ZBED1: variants seen among roughly 807,000 people sequenced by gnomAD.
ZBED1 encodes the protein zinc finger BED-type containing 1.
ZBED1 carries 19 observed loss-of-function variants against 49.7 expected under a neutral mutation model. The observed-to-expected ratio is 0.38, with a 90% CI of 0.27 to 0.56. The LOEUF (loss-of-function observed/expected upper bound fraction) is 0.56. Among genes scored for constraint, ZBED1 ranks in the 20% least tolerant of loss-of-function variants. ZBED1 has a pLI of 0.70. For synonymous variants in ZBED1, 439 were observed against 440.3 expected, an observed-to-expected ratio of 1.00 and a Z score of 0.04; for missense variants, 806 against 972.6, an observed-to-expected ratio of 0.83 and a Z score of 2.28.
At chrX:2,491,197 G>GT (rs1337555221) in intron 1 of ZBED1, among the ~76,000 whole-genome samples, 1 of 151,032 alleles carries the variant, frequency 6.6e-6, no homozygotes. Flanking sequence ...AGCTTCCTCA[G>GT]TAGCTGGGAT....
intron 1 of ZBED1, among the ~76,000 whole-genome samples, chrX:2,491,068 T>TTG: frequency 8.6e-6 from 1 of 115,628 alleles, no homozygotes; most frequent in Non-Finnish European, 1.9e-5. Context: ...TGCCTTTAGT[T>TTG]TTTTTTTTTT....
intron 1 of ZBED1, among the ~76,000 whole-genome samples, chrX:2,499,979 A>G (rs1490663645): frequency 6.6e-6 from 1 of 152,154 alleles, no homozygotes; most frequent in Non-Finnish European, 1.5e-5. Context: ...GGAGTTCGAG[A>G]GTAGCCTCGG....
At chrX:2,496,525 C>T (rs900772831) in intron 1 of ZBED1, among the ~76,000 whole-genome samples, 25 of 152,128 alleles carry the variant, frequency 1.6e-4, no homozygotes, top group East Asian at 3.8e-4. Context: ...AAATGTCTTG[C>T]GTGCAGTGTA....
rs1487002009 is a variant in ZBED1, at chrX:2,490,188, C to T, written c.532G>A (p.Gly178Arg). The change falls in exon 2 of 2, where the codon GGG becomes AGG. Residue 178 changes from glycine (G) to arginine (R), a missense_variant. Coordinates refer to ENST00000652001, the MANE Select transcript of ZBED1 (RefSeq NM_001171136.2). ...ISTKAIPEKY[G>R]AVREVILKEL... ...TTCAGGATCACCTCCCGGACGGCCC[C>T]GTACTTCTCAGGGATGGCCTTGGTA... 9.3e-6 allele frequency: 15 copies of T among 1,613,826 alleles called. No individual in the cohort carries two copies. The highest frequency in any genetic ancestry group is 3.3e-5 in the Admixed American group (2 of 60,000).
intron 1 of ZBED1, among the ~76,000 whole-genome samples, chrX:2,496,921 A>G (rs2045300514): frequency 6.7e-6 from 1 of 149,610 alleles, no homozygotes; most frequent in Non-Finnish European, 1.5e-5. Flanking sequence ...AACAATAAAT[A>G]TATTACATAC....
At chrX:2,494,733 G>A (rs758041396) in intron 1 of ZBED1, among the ~76,000 whole-genome samples, 5 of 151,828 alleles carry the variant, frequency 3.3e-5, no homozygotes, top group South Asian at 2.1e-4. Context: ...CTGAAAAAAG[G>A]TTCTGGTACC....
rs1209111517 is a variant in ZBED1 at position 2,487,490 on chromosome X, G to C, written c.*1145C>G. The C allele has an allele frequency of 1.3e-5, 2 of 152,208 alleles. No individual in the cohort carries two copies. Among genetic ancestry groups the C allele is most frequent in the East Asian group, 1.9e-4 (1 of 5,180 alleles). 9.4% of individuals were successfully genotyped at this position (152,208 alleles called of 1,614,324 possible). A position where few individuals can be genotyped will look rare whatever the true frequency, so the allele number is the denominator to read the frequency against. ...AGCGAATCTTCCGCCTCAGCCTCCC[G>C]AGTAGCTGGGATTACAGGCGGGTGC... On this transcript the variant is annotated 3_prime_UTR_variant, in exon 2 of 2. Coordinates refer to ENST00000652001, the MANE Select transcript of ZBED1 (RefSeq NM_001171136.2).
rs771586037 is a variant in ZBED1 at position 2,488,760 on chromosome X, C to G, written c.1960G>C (p.Gly654Arg). The change falls in exon 2 of 2, where the codon GGG (glycine) becomes CGG (arginine). Residue 654 changes from glycine to arginine, a missense_variant. Physicochemically the swap from Gly to Arg is moderately radical, Grantham distance 125. Transcript: ENST00000652001. ...QVFLYENARS[G>R]AEAEPEDQDE... ...TGGTCCTCGGGTTCCGCCTCTGCCC[C>G]ACTCCGGGCGTTCTCATACAGAAAC... The G allele has an allele frequency of 6.2e-7, 1 of 1,613,954 alleles. No individual in the cohort carries two copies. Among genetic ancestry groups the G allele is most frequent in the Non-Finnish European group, 8.5e-7 (1 of 1,179,872 alleles).
Position 2,489,487 on chromosome X carries a change from C to G in ZBED1, c.1233G>C (p.Leu411=). ...LQPFKQVAEM[L]SASRYPTISM... ...TGATGGTGGGGTACCTGGAGGCCGA[C>G]AGCATCTCGGCCACCTGCTTGAAGG... is the stretch of plus-strand genomic sequence containing the variant. The change falls in exon 2 of 2, where the codon CTG becomes CTC. Residue 411 remains leucine (L), a synonymous_variant. Coordinates refer to ENST00000652001, the MANE Select transcript of ZBED1 (RefSeq NM_001171136.2). The G allele has an allele frequency of 1.2e-6, 2 of 1,613,664 alleles. No homozygotes were observed. The highest frequency in any genetic ancestry group is 1.7e-5 in the Admixed American group (1 of 60,006).
chrX:2,500,654 G>GCCCCCCCCCCCCCCCCCCCCCCCCC (rs546772121), intron 1 of ZBED1, 163 bp downstream of exon 1: 1 of 126,696 alleles, frequency 7.9e-6, no homozygotes, highest in Admixed American at 7.7e-5. Flanking sequence ...CGCGCACGCC[G>GCCCCCCCCCCCCCCCCCCCCCCCCC]CCCCCCCCCC....
Position 2,490,192 on chromosome X carries a change from C to A in ZBED1, c.528G>T (p.Lys176Asn). 1 of 1,614,004 alleles carries A rather than the reference C, an allele frequency of 6.2e-7. No individual in the cohort carries two copies. The highest frequency in any genetic ancestry group is 2.2e-5 in the East Asian group (1 of 44,878). ...GGATCACCTCCCGGACGGCCCCGTA[C>A]TTCTCAGGGATGGCCTTGGTAGAGA... ...KYISTKAIPE[K>N]YGAVREVILK... The change falls in exon 2 of 2, where the codon AAG becomes AAT. Residue 176 changes from lysine to asparagine, a missense_variant. Coordinates refer to ENST00000652001, the MANE Select transcript of ZBED1 (RefSeq NM_001171136.2).
chrX:2,488,587 T>A lies in ZBED1; in HGVS notation c.*48A>T, dbSNP rs752527455. The stretch of plus-strand genomic sequence containing the variant: ...CCGGGTAAGTATTTACAGCAAAGCA[T>A]CCAATGGGCTGCTGCGGGGATGACT... On this transcript the variant is annotated 3_prime_UTR_variant, in exon 2 of 2. Coordinates refer to ENST00000652001, the MANE Select transcript of ZBED1 (RefSeq NM_001171136.2). 2 of 1,535,492 alleles carry A rather than the reference T, an allele frequency of 1.3e-6. No homozygotes were observed. The highest frequency in any genetic ancestry group is 2.1e-5 in the Admixed American group (1 of 47,966).
intron 1 of ZBED1, among the ~76,000 whole-genome samples, chrX:2,496,173 GGTTTTTATTTTT>G (rs772262582): frequency 1.2e-3 from 176 of 152,168 alleles, no homozygotes; most frequent in African/African-American, 3.8e-3. Context: ...AGCTAAAAGA[GGTTTTTATTTTT>G]GTTTTTGTTT....
Position 2,488,685 on chromosome X carries a change from C to G in ZBED1, c.2035G>C (p.Asp679His). 6.2e-7 allele frequency: 1 copy of G among 1,613,354 alleles called. No individual in the cohort carries two copies. Among genetic ancestry groups the G allele is most frequent in the Non-Finnish European group, 8.5e-7 (1 of 1,179,710 alleles). The change falls in exon 2 of 2, where the codon GAT becomes CAT. Residue 679 changes from aspartate to histidine, a missense_variant. Around this residue, in one of 2 missense-constraint regions of ZBED1, gnomAD observed 749 missense variants for 861.3 expected, o/e 0.87. Coordinates refer to ENST00000652001, the MANE Select transcript of ZBED1 (RefSeq NM_001171136.2). ...LDQEQVFSLG[D>H]GVSGGFFGIR... ...CCAAAGAAACCGCCGCTGACGCCAT[C>G]CCCCAAGGAGAACACCTGCTCCTGG...
chrX:2,488,744 G>T lies in ZBED1; in HGVS notation c.1976C>A (p.Pro659His). ...ENARSGAEAE[P>H]EDQDEGEWGL... Reference sequence around the variant, plus strand: ...CCACTCCCCCTCGTCCTGGTCCTCGGGTTCCGCCTCTGCCCCACTCCGGGC... The same window carrying T: ...CCACTCCCCCTCGTCCTGGTCCTCGTGTTCCGCCTCTGCCCCACTCCGGGC... The change falls in exon 2 of 2, where the codon CCC becomes CAC. Residue 659 changes from proline (P) to histidine (H), a missense_variant. By Grantham distance (77) the Pro-to-His change is moderately conservative (BLOSUM62 -2). Coordinates refer to ENST00000652001, the MANE Select transcript of ZBED1 (RefSeq NM_001171136.2). 6.2e-7 allele frequency: 1 copy of T among 1,613,912 alleles called. No homozygotes were observed. The highest frequency in any genetic ancestry group is 8.5e-7 in the Non-Finnish European group (1 of 1,179,870).
intron 1 of ZBED1, among the ~76,000 whole-genome samples, chrX:2,491,119 C>G (rs1179325424): frequency 3.6e-5 from 5 of 139,568 alleles, no homozygotes; most frequent in African/African-American, 8.0e-5. Context: ...ACCCAGGCTG[C>G]AGTGCAATGG....
intron 1 of ZBED1, among the ~76,000 whole-genome samples, chrX:2,498,527 G>A (rs1440328842): frequency 6.6e-6 from 1 of 150,766 alleles, no homozygotes; most frequent in Non-Finnish European, 1.5e-5. Flanking sequence ...ATTCTGTTTC[G>A]ATACACACCC....
chrX:2,500,970 A>C lies in ZBED1; in HGVS notation c.-207T>G. The C allele has an allele frequency of 2.1e-6, 2 of 970,474 alleles. No individual in the cohort carries two copies. The highest frequency in any genetic ancestry group is 2.5e-6 in the Non-Finnish European group (2 of 811,522). The allele number at this position is 970,474 out of a possible 1,614,324, so 60.1% of individuals were successfully genotyped here. On this transcript the variant is annotated 5_prime_UTR_variant, in exon 1 of 2. Transcript: ENST00000652001. ...CCGCCGCTTCCGCGCCGCCCGCGGG[A>C]CTCTGCGCCCGCCCGCCCGGACGGA...
chrX:2,495,295 G>A (rs1400486736), intron 1 of ZBED1, among the ~76,000 whole-genome samples: 1 of 151,362 alleles, frequency 6.6e-6, no homozygotes, highest in Non-Finnish European at 1.5e-5. Flanking sequence ...TATTCCTATT[G>A]TTGTTATTAT....
Sources: gnomAD v4.1 joint callset for allele counts (sites outside exome capture counted in the v4.1 genomes callset) on GRCh38, gnomAD v4.1.1 for gene constraint, gnomAD v4.1.1 regional missense constraint, MANE v1.5 for transcripts, NCBI Gene and HGNC (gene_info 2026-07-23, HGNC 2026-07-21) for gene names.